The following SIM1 variants were observed in gnomAD, a reference collection of about 807,000 sequenced individuals.
SIM1 encodes single-minded homolog 1.
SIM1 carries 18 observed loss-of-function variants against 78.2 expected under a neutral mutation model. The ratio of observed to expected loss-of-function variants is 0.23; its 90% CI spans 0.16 to 0.34. The LOEUF is 0.34. Ranked by LOEUF, SIM1 falls within the 10% of genes least tolerant of loss-of-function variation. The pLI is 1.00. For synonymous variants in SIM1, 417 were observed against 385.2 expected (o/e 1.08, Z -0.97); for missense variants, 939 against 975.1 (o/e 0.96, Z 0.49).
intron 2 of SIM1, among the ~76,000 whole-genome samples, chr6:100,455,928 T>C (rs1772640492): frequency 6.6e-6 from 1 of 152,182 alleles, no homozygotes; most frequent in Non-Finnish European, 1.5e-5. Flanking sequence ...AGGCCATTTG[T>C]TGTTTCGGGT....
chr6:100,448,602 T>G lies in SIM1; in HGVS notation c.620A>C (p.Asn207Thr). ...GTGGCCCACGGCCACCAGGCCCACG[T>G]TTTGGTAGCAGCCGTCGAAGGGGGA... is the stretch of plus-strand genomic sequence containing the variant. ...DMSPFDGCYQ[N>T]VGLVAVGHSL... The change falls in exon 7 of 12, where the codon AAC becomes ACC. Residue 207 changes from asparagine to threonine, a missense_variant. Around this residue, in one of 5 missense-constraint regions of SIM1, gnomAD observed 187 missense variants for 191.6 expected, o/e 0.98. Coordinates refer to ENST00000369208, the MANE Select transcript of SIM1 (RefSeq NM_005068.3). 1 of 1,613,966 alleles carries G rather than the reference T, an allele frequency of 6.2e-7. No individual in the cohort carries two copies. Among genetic ancestry groups the G allele is most frequent in the East Asian group, 2.2e-5 (1 of 44,852 alleles).
chr6:100,402,611 C>A (rs566904370), intron 10 of SIM1, among the ~76,000 whole-genome samples: 1 of 118,428 alleles, frequency 8.4e-6, no homozygotes, highest in Non-Finnish European at 1.7e-5. Flanking sequence ...GGAGTCTCGC[C>A]CTGTCGCCCA....
Position 100,412,600 on chromosome 6 carries a change from AAAGAAAGAAAGG to A in SIM1, c.1167+8178_1167+8189del, listed in dbSNP as rs1349260586. On this transcript the variant is annotated intron_variant, in intron 10 of 11. Coordinates refer to ENST00000369208, the MANE Select transcript of SIM1 (RefSeq NM_005068.3). Reference sequence around the variant, plus strand: ...GAAAGAAAGAAAGAAAGAAAGAAAGAAAGAAAGAAAGGAAAGAAAGAAGGAAAGAAAGAAAGA... The same window carrying A: ...GAAAGAAAGAAAGAAAGAAAGAAAGAAAAGAAAGAAGGAAAGAAAGAAAGA... 3.1e-4 allele frequency among the ~76,000 whole-genome samples: 37 copies of A among 119,612 alleles called. 3 individuals carry two copies. Among genetic ancestry groups the A allele is most frequent in the Admixed American group, 4.5e-4 (5 of 11,012 alleles). 78.5% of individuals were successfully genotyped at this position (119,612 alleles called of 152,430 possible). A position where few individuals can be genotyped will look rare whatever the true frequency, so the allele number is the denominator to read the frequency against.
Position 100,396,599 on chromosome 6 carries a change from A to C in SIM1, c.1168-2710T>G, listed in dbSNP as rs187666186. On this transcript the variant is annotated intron_variant, in intron 10 of 11. Transcript: ENST00000369208. ...CAAGCAGGCAGAAGTTGGGTGGTTC[A>C]GTTAGTCCAAGACCTCACACTGCTT... Among the ~76,000 whole-genome samples the C allele has an allele frequency of 2.3e-4, 35 of 152,296 alleles. No homozygotes were observed. The East Asian group carries it at 6.2e-3, about 27-fold the overall frequency.
rs527611468 is a variant in SIM1, at chr6:100,399,113, G to A, written c.1168-5224C>T. Reference sequence around the variant, plus strand: ...AATCTTTGGAGAAATGTCTATTCAAGTCCTTTGCCCATTTTTGAATTGAGT... The same window carrying A: ...AATCTTTGGAGAAATGTCTATTCAAATCCTTTGCCCATTTTTGAATTGAGT... On this transcript the variant is annotated intron_variant, in intron 10 of 11. Transcript: ENST00000369208. Among the ~76,000 whole-genome samples, 8 of 152,168 alleles carry A rather than the reference G, an allele frequency of 5.3e-5. No homozygotes were observed. In the South Asian group the frequency reaches 1.7e-3, roughly 32 times the overall value.
At chr6:100,435,715 T>G (rs1772028005) in intron 9 of SIM1, among the ~76,000 whole-genome samples, 1 of 152,202 alleles carries the variant, frequency 6.6e-6, no homozygotes. Context: ...GTAATACATC[T>G]GCAAAGACTA....
intron 10 of SIM1, among the ~76,000 whole-genome samples, chr6:100,420,234 G>T (rs928677578): frequency 6.6e-6 from 1 of 152,100 alleles, no homozygotes; most frequent in Non-Finnish European, 1.5e-5. Context: ...ACTTCTTGGG[G>T]TCTCATCTTC....
chr6:100,403,992 TATACTTAG>T (rs1463536199), intron 10 of SIM1, among the ~76,000 whole-genome samples: 1 of 152,222 alleles, frequency 6.6e-6, no homozygotes, highest in Non-Finnish European at 1.5e-5. Flanking sequence ...TTCAATATAC[TATACTTAG>T]ATAAGAAAGA....
At chr6:100,402,425 T>C (rs1210802586) in intron 10 of SIM1, among the ~76,000 whole-genome samples, 1 of 152,128 alleles carries the variant, frequency 6.6e-6, no homozygotes, top group Admixed American at 6.5e-5. Context: ...ACAGTTTTTA[T>C]CATTTACACT....
At chr6:100,412,599 GAA>G (rs1272939572) in intron 10 of SIM1, among the ~76,000 whole-genome samples, 10 of 86,532 alleles carry the variant, frequency 1.2e-4, no homozygotes, top group African/African-American at 1.7e-4. Flanking sequence ...AAGAAAGAAA[GAA>G]AGAAAGAAAG....
chr6:100,417,532 A>C (rs1361461380), intron 10 of SIM1, among the ~76,000 whole-genome samples: 2 of 152,206 alleles, frequency 1.3e-5, no homozygotes, highest in African/African-American at 2.4e-5. Flanking sequence ...ATTATTCCTT[A>C]ACAGTATACA....
chr6:100,458,018 CTCTCTCTCTCTCTCTCTCTCT>C (rs1772724456), intron 2 of SIM1, among the ~76,000 whole-genome samples: 29 of 87,632 alleles, frequency 3.3e-4, no homozygotes, highest in South Asian at 3.0e-3. Flanking sequence ...CTCTCTCTCT[CTCTCTCTCTCTCTCTCTCTCT>C]CTCTCTCTCT....
chr6:100,458,422 C>G (rs1437371806), intron 2 of SIM1, among the ~76,000 whole-genome samples: 1 of 152,088 alleles, frequency 6.6e-6, no homozygotes, highest in African/African-American at 2.4e-5. Context: ...ACGATGGCAC[C>G]TAACCCGCCT....
At chr6:100,403,566 A>G (rs1302975924) in intron 10 of SIM1, among the ~76,000 whole-genome samples, 1 of 152,256 alleles carries the variant, frequency 6.6e-6, no homozygotes, top group Non-Finnish European at 1.5e-5. Flanking sequence ...TAAATAATGC[A>G]CAGAATATAA....
At chr6:100,428,157 G>A (rs1324141457) in intron 9 of SIM1, among the ~76,000 whole-genome samples, 1 of 152,036 alleles carries the variant, frequency 6.6e-6, no homozygotes, top group Non-Finnish European at 1.5e-5. Flanking sequence ...AGCAAATCAT[G>A]TTTTCCTGTT....
chr6:100,454,292 G>C (rs1036877509), intron 2 of SIM1, among the ~76,000 whole-genome samples: 1 of 152,224 alleles, frequency 6.6e-6, no homozygotes, highest in Non-Finnish European at 1.5e-5. Flanking sequence ...GACCTGAGAC[G>C]ACCGGCCAGG....
Position 100,393,884 on chromosome 6 carries a change from C to T in SIM1, c.1173G>A (p.Ser391=), listed in dbSNP as rs563372859. ...ATTCCGATCTTTCTGTGTGAAATCC[C>T]GAATACTGAAACCGAGTAGGGGAGA... is the stretch of plus-strand genomic sequence containing the variant. ...KSRTSPYPQY[S]GFHTERSESD... is the part of the protein sequence containing the mutation. The change falls in exon 11 of 12, where the codon TCG becomes TCA. Residue 391 remains serine (S), a synonymous_variant. Transcript: ENST00000369208. 1.1e-5 allele frequency: 17 copies of T among 1,547,698 alleles called. No individual in the cohort carries two copies. In the Middle Eastern group the frequency reaches 2.1e-3, roughly 190 times the overall value.
chr6:100,403,252 G>A (rs748127966), intron 10 of SIM1, among the ~76,000 whole-genome samples: 1 of 152,198 alleles, frequency 6.6e-6, no homozygotes, highest in Non-Finnish European at 1.5e-5. Flanking sequence ...GTGGGCTGAG[G>A]CTGGCAAGCA....
intron 2 of SIM1, among the ~76,000 whole-genome samples, chr6:100,461,256 A>G (rs1449547529): frequency 6.6e-6 from 1 of 152,204 alleles, no homozygotes; most frequent in Non-Finnish European, 1.5e-5. Context: ...GAGACTTATA[A>G]TGTGTAGAGT....
Sources: allele counts gnomAD v4.1 joint callset (sites outside exome capture counted in the v4.1 genomes callset), GRCh38; gene constraint gnomAD v4.1.1; regional missense constraint gnomAD v4.1.1; transcripts MANE v1.5; gene names NCBI Gene and HGNC (gene_info 2026-07-23, HGNC 2026-07-21).